DACH1: variants seen among roughly 807,000 people sequenced by gnomAD.
DACH1 encodes the protein dachshund homolog 1.
Under a neutral mutation model 54.2 loss-of-function variants are expected in DACH1, and 12 were observed. The observed-to-expected ratio is 0.22, with a 90% confidence interval of 0.14 to 0.36. The LOEUF (loss-of-function observed/expected upper bound fraction) is 0.36. DACH1 is among the 10% of genes least tolerant of loss of function. The pLI is 1.00. For missense variants in DACH1, 805 were observed against 929.8 expected, an observed-to-expected ratio of 0.87 and a Z score of 1.75; for synonymous variants, 386 against 366.2, an observed-to-expected ratio of 1.05 and a Z score of -0.62.
intron 4 of DACH1, among the ~76,000 whole-genome samples, chr13:71,570,737 T>C (rs1009988472): frequency 6.6e-6 from 1 of 152,156 alleles, no homozygotes; most frequent in Admixed American, 6.5e-5. Flanking sequence ...TTTCCATTCC[T>C]AAACTTAATC....
At chr13:71,595,010 G>A (rs369754572) in intron 3 of DACH1, among the ~76,000 whole-genome samples, 80 of 152,228 alleles carry the variant, frequency 5.3e-4, no homozygotes, top group African/African-American at 1.8e-3. Context: ...AGGATAGGGA[G>A]TATCTACATA....
chr13:71,529,306 C>A (rs1882250185), intron 6 of DACH1, among the ~76,000 whole-genome samples: 1 of 151,624 alleles, frequency 6.6e-6, no homozygotes, highest in African/African-American at 2.4e-5. Context: ...CCTGCCTCAG[C>A]CTCCTGAGTA....
At chr13:71,630,911 G>A (rs979876071) in intron 2 of DACH1, among the ~76,000 whole-genome samples, 194 bp from the exon 3 acceptor site, 17 of 152,116 alleles carry the variant, frequency 1.1e-4, no homozygotes, top group African/African-American at 3.9e-4. Context: ...GATTGCTACA[G>A]TCCAAAATTA....
intron 1 of DACH1, among the ~76,000 whole-genome samples, chr13:71,780,268 A>G (rs967323520): frequency 2.0e-5 from 3 of 152,132 alleles, no homozygotes; most frequent in Non-Finnish European, 4.4e-5. Context: ...AGGTTCAGTG[A>G]GGCATTTTAG....
At chr13:71,552,850 G>GAT (rs1883963338) in intron 6 of DACH1, among the ~76,000 whole-genome samples, 1 of 97,832 alleles carries the variant, frequency 1.0e-5, no homozygotes, top group South Asian at 3.4e-4. Flanking sequence ...TATAGAGAGA[G>GAT]AGAGAGAGAG....
chr13:71,697,248 A>G (rs1014052724), intron 1 of DACH1, among the ~76,000 whole-genome samples: 1 of 152,188 alleles, frequency 6.6e-6, no homozygotes, highest in African/African-American at 2.4e-5. Context: ...TATTAAATGA[A>G]AAAAAATGAA....
intron 1 of DACH1, among the ~76,000 whole-genome samples, chr13:71,770,895 C>T (rs546121977): frequency 6.6e-6 from 1 of 151,612 alleles, no homozygotes; most frequent in African/African-American, 2.4e-5. Context: ...TGCTGTGACA[C>T]CACTCTCATT....
At chr13:71,661,845 T>TC (rs1402510191) in intron 2 of DACH1, among the ~76,000 whole-genome samples, 2 of 152,042 alleles carry the variant, frequency 1.3e-5, no homozygotes, top group Non-Finnish European at 2.9e-5. Flanking sequence ...AACCATTTTT[T>TC]CTCCCATGAG....
At chr13:71,461,294 T>C (rs1876050537) in intron 10 of DACH1, among the ~76,000 whole-genome samples, 1 of 152,026 alleles carries the variant, frequency 6.6e-6, no homozygotes, top group African/African-American at 2.4e-5. Flanking sequence ...CAAAAGTAAG[T>C]CTGAATTCAA....
At chr13:71,690,271 T>C (rs1367998904) in intron 1 of DACH1, among the ~76,000 whole-genome samples, 1 of 152,228 alleles carries the variant, frequency 6.6e-6, no homozygotes, top group Non-Finnish European at 1.5e-5. Context: ...TATGTTTACC[T>C]TTCTATAGCA....
At chr13:71,730,337 A>G (rs1173533006) in intron 1 of DACH1, among the ~76,000 whole-genome samples, 2 of 152,186 alleles carry the variant, frequency 1.3e-5, no homozygotes, top group Non-Finnish European at 1.5e-5. Context: ...AAGAGGAATC[A>G]AGTATTTAAA....
At chr13:71,496,181 T>C (rs1286914472) in intron 6 of DACH1, among the ~76,000 whole-genome samples, 2 of 148,372 alleles carry the variant, frequency 1.3e-5, no homozygotes, top group Non-Finnish European at 3.0e-5. Flanking sequence ...GAGGTTGCGG[T>C]GAGCGGAGAT....
chr13:71,611,081 A>C (rs1443200862), intron 3 of DACH1, among the ~76,000 whole-genome samples: 1 of 152,160 alleles, frequency 6.6e-6, no homozygotes, highest in South Asian at 2.1e-4. Flanking sequence ...GCAGTGTATA[A>C]GCAGTCCCTC....
chr13:71,723,996 T>G (rs1450019436), intron 1 of DACH1, among the ~76,000 whole-genome samples: 1 of 152,198 alleles, frequency 6.6e-6, no homozygotes, highest in South Asian at 2.1e-4. Context: ...TGGCCTGTTT[T>G]GTATTTTTGT....
intron 6 of DACH1, among the ~76,000 whole-genome samples, chr13:71,498,207 T>C (rs886096052): frequency 6.6e-6 from 1 of 152,220 alleles, no homozygotes; most frequent in African/African-American, 2.4e-5. Flanking sequence ...AACTTTTGAA[T>C]AGTTCTCTTT....
At chr13:71,591,182 A>G (rs1873686798) in intron 3 of DACH1, among the ~76,000 whole-genome samples, 1 of 152,066 alleles carries the variant, frequency 6.6e-6, no homozygotes, top group African/African-American at 2.4e-5. Context: ...ACCGGCCTCA[A>G]TTTCCCAGTT....
At chr13:71,820,076 C>T (rs936681927) in intron 1 of DACH1, among the ~76,000 whole-genome samples, 4 of 115,704 alleles carry the variant, frequency 3.5e-5, no homozygotes, top group African/African-American at 6.6e-5. Context: ...AGACCAGCTT[C>T]GGCAACATAG....
At chr13:71,757,859 T>A (rs1885235438) in intron 1 of DACH1, among the ~76,000 whole-genome samples, 1 of 152,098 alleles carries the variant, frequency 6.6e-6, no homozygotes, top group South Asian at 2.1e-4. Context: ...CAGTTGTTGA[T>A]AATCACAATG....
chr13:71,446,264 C>T (rs1451102479), intron 10 of DACH1, among the ~76,000 whole-genome samples: 1 of 152,174 alleles, frequency 6.6e-6, no homozygotes, highest in Non-Finnish European at 1.5e-5. Context: ...TTGGTTCTTT[C>T]TGTATGTGTT....
Sources: allele counts gnomAD v4.1 joint callset (sites outside exome capture counted in the v4.1 genomes callset), GRCh38; gene constraint gnomAD v4.1.1; transcripts MANE v1.5; gene names NCBI Gene and HGNC (gene_info 2026-07-23, HGNC 2026-07-21).